FRK: variants seen among roughly 807,000 people sequenced by gnomAD.
FRK encodes fyn related Src family tyrosine kinase.
FRK carries 51 observed loss-of-function variants against 56.4 expected under a neutral mutation model. That is an observed-to-expected ratio of 0.90 (90% CI 0.72 to 1.14). The LOEUF (loss-of-function observed/expected upper bound fraction) is 1.14. FRK is among the 50% of genes most tolerant of loss of function. The pLI is 0.00. For missense variants in FRK, 570 were observed against 601.4 expected, an observed-to-expected ratio of 0.95 and a Z score of 0.55; for synonymous variants, 245 against 217.9, an observed-to-expected ratio of 1.12 and a Z score of -1.10.
At chr6:116,039,078 T>C (rs1039389753) in intron 1 of FRK, 5 of 773,230 alleles carry the variant, frequency 6.5e-6, no homozygotes, top group East Asian at 2.5e-5. Flanking sequence ...GATAAGCTGA[T>C]TGGGCAGAAA....
intron 4 of FRK, among the ~76,000 whole-genome samples, chr6:115,957,243 T>C (rs1457626172): frequency 6.6e-6 from 1 of 152,218 alleles, no homozygotes; most frequent in Non-Finnish European, 1.5e-5. Flanking sequence ...CTTAATAGCA[T>C]GGCCAAATGG....
chr6:116,038,828 A>C, intron 1 of FRK: 1 of 519,350 alleles, frequency 1.9e-6, no homozygotes, highest in Non-Finnish European at 3.9e-6. Context: ...GGGGGAGCTC[A>C]TCCGCACTCT....
rs1231345685 is a variant in FRK at position 115,934,496 on chromosome 6, A to T, written c.*7918T>A. The T allele has an allele frequency of 6.6e-6, 1 of 152,204 alleles. No homozygotes were observed. Among genetic ancestry groups the T allele is most frequent in the African/African-American group, 2.4e-5 (1 of 41,448 alleles). 9.4% of individuals were successfully genotyped at this position (152,204 alleles called of 1,614,324 possible). On this transcript the variant is annotated 3_prime_UTR_variant, in exon 8 of 8. Transcript: ENST00000606080. ...GTTTTGCCATTGATAGCCATCTGTG[A>T]CCCTGGGAAGGAGGGCAATGCTGAT...
intron 1 of FRK, among the ~76,000 whole-genome samples, chr6:116,020,445 C>T (rs1775832938): frequency 6.6e-6 from 1 of 152,204 alleles, no homozygotes; most frequent in South Asian, 2.1e-4. Flanking sequence ...GCACACGCCA[C>T]CACATCCAGC....
intron 1 of FRK, among the ~76,000 whole-genome samples, chr6:116,058,779 C>T (rs1777495818): frequency 6.6e-6 from 1 of 151,984 alleles, no homozygotes; most frequent in East Asian, 1.9e-4. Context: ...GGCGTGGTGG[C>T]AGGCGCCTGT....
At chr6:116,097,043 C>T in the FRK span, among the ~76,000 whole-genome samples, 1 of 152,178 alleles carries the variant, frequency 6.6e-6, no homozygotes, top group African/African-American at 2.4e-5. Context: ...TCTAAGTAGG[C>T]TTCTTCTTCT....
chr6:116,097,567 T>C, the FRK span, among the ~76,000 whole-genome samples: 1 of 152,190 alleles, frequency 6.6e-6, no homozygotes, highest in Non-Finnish European at 1.5e-5. Context: ...GTCTAAAGCT[T>C]AAGCTAGCTA....
intron 2 of FRK, among the ~76,000 whole-genome samples, chr6:115,983,576 C>T (rs1774286211): frequency 6.6e-6 from 1 of 152,146 alleles, no homozygotes; most frequent in Non-Finnish European, 1.5e-5. Context: ...TTCACATTAT[C>T]TTATTCCCCA....
rs979605176 is a variant in FRK at position 116,060,499 on chromosome 6, T to C, written c.-188A>G. ...GCAGCAAGTCCTACCTGGAGAGACT[T>C]ACCGGCTTGCTTTCTGTGGCTGGAG... On this transcript the variant is annotated 5_prime_UTR_variant, in exon 1 of 8. Coordinates refer to ENST00000606080, the MANE Select transcript of FRK (RefSeq NM_002031.3). 5.3e-6 allele frequency: 3 copies of C among 566,448 alleles called. No homozygotes were observed. The highest frequency in any genetic ancestry group is 3.7e-5 in the African/African-American group (2 of 53,446). The allele number at this position is 566,448 out of a possible 1,614,324, so 35.1% of individuals were successfully genotyped here.
At chr6:115,968,764 A>T (rs2114604385) in intron 2 of FRK, 25 bp from the exon 3 acceptor site, 1 of 1,602,874 alleles carries the variant, frequency 6.2e-7, no homozygotes, top group Non-Finnish European at 8.5e-7. Flanking sequence ...AATTCCTGTT[A>T]ATAAACTTCT....
intron 4 of FRK, among the ~76,000 whole-genome samples, chr6:115,958,046 G>C (rs1221279355): frequency 6.6e-6 from 1 of 152,188 alleles, no homozygotes. Context: ...TAAAGAGAGA[G>C]AATAGGAGAA....
At chr6:116,010,473 A>C (rs1190785592) in intron 1 of FRK, among the ~76,000 whole-genome samples, 1 of 152,222 alleles carries the variant, frequency 6.6e-6, no homozygotes, top group Non-Finnish European at 1.5e-5. Flanking sequence ...TGGCACTTAG[A>C]ATTGATAGAT....
intron 5 of FRK, 39 bp from the exon 6 acceptor site, chr6:115,944,464 A>G: frequency 6.7e-7 from 1 of 1,487,884 alleles, no homozygotes; most frequent in African/African-American, 1.4e-5. Flanking sequence ...TACCTTAGAG[A>G]ACATTTGAAC....
At chr6:115,958,708 A>AAAGAAGGAAGG (rs1562257454) in intron 4 of FRK, among the ~76,000 whole-genome samples, 2 of 12,372 alleles carry the variant, frequency 1.6e-4, no homozygotes, top group African/African-American at 6.6e-4. Context: ...AAGAAAGAAG[A>AAAGAAGGAAGG]AAGAAAGAAA....
At chr6:115,952,596 C>T (rs1582639354) in intron 5 of FRK, among the ~76,000 whole-genome samples, 1 of 151,938 alleles carries the variant, frequency 6.6e-6, no homozygotes, top group East Asian at 1.9e-4. Flanking sequence ...GACTATAAAT[C>T]ATGCTGCTAT....
chr6:116,007,617 T>G (rs1019555903), intron 1 of FRK, among the ~76,000 whole-genome samples: 1 of 152,192 alleles, frequency 6.6e-6, no homozygotes, highest in Non-Finnish European at 1.5e-5. Flanking sequence ...TTGAGCATTT[T>G]AACAGTGTCT....
Position 115,943,039 on chromosome 6 carries a change from A to G in FRK, c.1287T>C (p.Tyr429=), listed in dbSNP as rs748474763. The G allele has an allele frequency of 4.3e-6, 7 of 1,612,210 alleles. No individual in the cohort carries two copies. The highest frequency in any genetic ancestry group is 5.9e-6 in the Non-Finnish European group (7 of 1,179,348). The change falls in exon 7 of 8, where the codon TAT becomes TAC. Residue 429 remains tyrosine, a synonymous_variant. Transcript: ENST00000606080. ...FGILLYEIIT[Y]GKMPYSGMTG... ...ACTCACCACTGTAAGGCATTTTGCC[A>G]TAAGTAATGATTTCATAAAGAAGGA...
At chr6:116,040,867 T>C (rs1280575465) in intron 1 of FRK, among the ~76,000 whole-genome samples, 30 of 152,074 alleles carry the variant, frequency 2.0e-4, no homozygotes, top group Admixed American at 2.0e-3. Context: ...TATATTATTT[T>C]GTATTTATAA....
chr6:116,039,397 T>C, intron 1 of FRK: 1 of 1,568,908 alleles, frequency 6.4e-7, no homozygotes, highest in Non-Finnish European at 8.8e-7. Context: ...GGGGGCAACC[T>C]GCAAGGAGCT....
Sources: allele counts gnomAD v4.1 joint callset (sites outside exome capture counted in the v4.1 genomes callset), GRCh38; gene constraint gnomAD v4.1.1; transcripts MANE v1.5; gene names NCBI Gene and HGNC (gene_info 2026-07-23, HGNC 2026-07-21).